The following DDX31 variants were observed in gnomAD, a reference collection of about 807,000 sequenced individuals.
DDX31 encodes DEAD-box helicase 31.
A neutral mutation model predicts 91.3 loss-of-function variants in DDX31; 70 were observed. That is an observed-to-expected ratio of 0.77 (90% CI 0.63 to 0.94). The LOEUF is 0.94. DDX31 is among the 40% of genes least tolerant of loss of function. The probability of loss-of-function intolerance (pLI) is 0.00; values close to 1 mark genes in which losing one functional copy is unlikely to be tolerated. For missense variants in DDX31, 902 were observed against 925.0 expected, an observed-to-expected ratio of 0.98 and a Z score of 0.32; for synonymous variants, 362 against 350.6, an observed-to-expected ratio of 1.03 and a Z score of -0.36.
chr9:132,648,509 G>A lies in DDX31; in HGVS notation c.783C>T (p.Arg261=). The A allele has an allele frequency of 6.2e-7, 1 of 1,613,768 alleles. No individual in the cohort carries two copies. The highest frequency in any genetic ancestry group is 8.5e-7 in the Non-Finnish European group (1 of 1,179,914). ...GINILISTPG[R]LVDHIKSTKN... ...TTGTGGATTTTATATGATCCACCAG[G>A]CGTCCAGGAGTTGAGATAAGGATAT... Residue 261 remains arginine, a synonymous_variant, in exon 10 of 20, where the codon CGC becomes CGT. Coordinates refer to ENST00000372159, the MANE Select transcript of DDX31 (RefSeq NM_022779.9).
chr9:132,663,207 G>A (rs961890180), intron 1 of DDX31: 11 of 1,289,280 alleles, frequency 8.5e-6, no homozygotes, highest in South Asian at 2.5e-5. Flanking sequence ...CCCAGGAAGC[G>A]GAAACATTCA....
At chr9:132,596,494 G>C (rs1421658338) in intron 19 of DDX31, among the ~76,000 whole-genome samples, 1 of 152,216 alleles carries the variant, frequency 6.6e-6, no homozygotes, top group Non-Finnish European at 1.5e-5. Flanking sequence ...ATCAGGGCAG[G>C]ATGTAGTGAG....
chr9:132,622,202 G>A (rs754802238), intron 17 of DDX31, among the ~76,000 whole-genome samples: 46 of 152,166 alleles, frequency 3.0e-4, no homozygotes, highest in Non-Finnish European at 5.1e-4. Context: ...AACTGAGACT[G>A]GGGAGAAGAT....
intron 19 of DDX31, among the ~76,000 whole-genome samples, chr9:132,597,026 G>T (rs534851527): frequency 6.6e-6 from 1 of 152,104 alleles, no homozygotes; most frequent in Non-Finnish European, 1.5e-5. Context: ...GACATATAAG[G>T]GGGTAGCTGG....
chr9:132,660,931 G>A, intron 4 of DDX31: 1 of 429,838 alleles, frequency 2.3e-6, no homozygotes, highest in Non-Finnish European at 4.1e-6. Context: ...TTCTTTTCAG[G>A]GAAGCACAGA....
chr9:132,625,415 C>A (rs140527051), intron 17 of DDX31, among the ~76,000 whole-genome samples: 1 of 152,128 alleles, frequency 6.6e-6, no homozygotes, highest in Non-Finnish European at 1.5e-5. Context: ...TTCTGGGGAG[C>A]CTGCTGCTGT....
At chr9:132,602,867 T>C (rs1039026856) in intron 19 of DDX31, among the ~76,000 whole-genome samples, 3 of 152,258 alleles carry the variant, frequency 2.0e-5, no homozygotes, top group Admixed American at 2.0e-4. Context: ...TTTCTTTGGT[T>C]ACACGAGTAG....
rs1188741575 is a variant in DDX31, at chr9:132,662,653, C to A, written c.118G>T (p.Ala40Ser). The change falls in exon 2 of 20, where the codon GCT (alanine) becomes TCT (serine). Residue 40 changes from alanine (A) to serine (S), a missense_variant. Transcript: ENST00000372159. Reference sequence around the variant, plus strand: ...TCGTTCCTCCGTTTCGCTGGGGGAGCCTCACTGGACGCTTGGTATTTTCTT... The same window carrying A: ...TCGTTCCTCCGTTTCGCTGGGGGAGACTCACTGGACGCTTGGTATTTTCTT... ...TKRKYQASSE[A>S]PPAKRRNETS... is the part of the protein sequence containing the mutation. 1.2e-6 allele frequency: 2 copies of A among 1,614,170 alleles called. No homozygotes were observed. The highest frequency in any genetic ancestry group is 2.2e-5 in the East Asian group (1 of 44,884).
intron 14 of DDX31, among the ~76,000 whole-genome samples, chr9:132,636,717 G>A (rs1833142612): frequency 6.6e-6 from 1 of 152,116 alleles, no homozygotes; most frequent in Admixed American, 6.5e-5. Flanking sequence ...CCTCACTGAC[G>A]GCCAGCCACT....
chr9:132,623,564 A>AG (rs1336607456), intron 17 of DDX31, among the ~76,000 whole-genome samples: 1 of 150,608 alleles, frequency 6.6e-6, no homozygotes, highest in African/African-American at 2.5e-5. Context: ...AAAAAAAAAA[A>AG]AAAAGAAAAA....
At position 132,626,138 on chromosome 9, in the gene DDX31, G is replaced by GA. The variant is rs3028359; in HGVS notation, c.1632-394dup. Among the ~76,000 whole-genome samples the GA allele has an allele frequency of 5.7e-3, 761 of 134,644 alleles. 2 individuals carry two copies. Among genetic ancestry groups the GA allele is most frequent in the Non-Finnish European group, 6.9e-3 (418 of 60,652 alleles). 88.3% of individuals were successfully genotyped at this position (134,644 alleles called of 152,430 possible). A position where few individuals can be genotyped will look rare whatever the true frequency, so the allele number is the denominator to read the frequency against. ...GGTCTCTTTAGTTTATACTGAAGAG[G>GA]AAAAAAAAAAAAAAAAGGAAGAAAA... On this transcript the variant is annotated intron_variant, in intron 16 of 19. Coordinates refer to ENST00000372159, the MANE Select transcript of DDX31 (RefSeq NM_022779.9).
At chr9:132,616,228 T>C (rs1831618704) in intron 18 of DDX31, among the ~76,000 whole-genome samples, 1 of 152,230 alleles carries the variant, frequency 6.6e-6, no homozygotes, top group Admixed American at 6.5e-5. Flanking sequence ...CAGCCCATTA[T>C]CAATCTGGTG....
intron 15 of DDX31, among the ~76,000 whole-genome samples, chr9:132,631,377 T>C (rs1052861571): frequency 2.6e-5 from 4 of 152,190 alleles, no homozygotes; most frequent in Non-Finnish European, 5.9e-5. Context: ...GAAGACACAA[T>C]GCCTCCAGTT....
At chr9:132,638,137 C>A in intron 14 of DDX31, 2 of 1,385,398 alleles carry the variant, frequency 1.4e-6, no homozygotes, top group East Asian at 2.7e-5. Flanking sequence ...GCGCCCAGGG[C>A]GGGCTGCAGG....
At chr9:132,661,169 G>T in intron 4 of DDX31, 39 bp downstream of exon 4, 1 of 1,584,838 alleles carries the variant, frequency 6.3e-7, no homozygotes, top group South Asian at 1.1e-5. Context: ...TTATACCCAC[G>T]TAATGCCTAA....
At chr9:132,647,815 A>C (rs908261099) in intron 11 of DDX31, among the ~76,000 whole-genome samples, 2 of 152,188 alleles carry the variant, frequency 1.3e-5, no homozygotes, top group African/African-American at 2.4e-5. Context: ...TAGGAGGAAG[A>C]GTGATTACAT....
At chr9:132,658,798 A>C in intron 5 of DDX31, 63 bp from the exon 6 acceptor site, 1 of 1,481,236 alleles carries the variant, frequency 6.8e-7, no homozygotes, top group East Asian at 2.3e-5. Context: ...AGAAAAGCAA[A>C]GGATGTAAAG....
chr9:132,669,380 G>A (rs993277177), intron 1 of DDX31, among the ~76,000 whole-genome samples: 2 of 151,740 alleles, frequency 1.3e-5, no homozygotes, highest in African/African-American at 4.8e-5. Context: ...TGGAAAGTAA[G>A]TCACGATATA....
intron 13 of DDX31, among the ~76,000 whole-genome samples, chr9:132,645,071 A>T (rs1195300026): frequency 2.0e-5 from 3 of 152,166 alleles, no homozygotes; most frequent in African/African-American, 7.2e-5. Context: ...GCTCAAGTCA[A>T]ATCTCATCCT....
Sources: gnomAD v4.1 joint callset for allele counts (sites outside exome capture counted in the v4.1 genomes callset) on GRCh38, gnomAD v4.1.1 for gene constraint, MANE v1.5 for transcripts, NCBI Gene and HGNC (gene_info 2026-07-23, HGNC 2026-07-21) for gene names.